CAPZB: variants seen among roughly 807,000 people sequenced by gnomAD.
The protein encoded by CAPZB is capping actin protein of muscle Z-line subunit beta.
In CAPZB, 2 loss-of-function variants were observed where a neutral mutation model predicts 38.1. The observed-to-expected ratio is 0.05, with a 90% CI of 0.02 to 0.17. The LOEUF is 0.17. Among genes scored for constraint, CAPZB ranks in the 10% least tolerant of loss-of-function variants. The probability of loss-of-function intolerance (pLI) is 1.00; values close to 1 mark genes in which losing one functional copy is unlikely to be tolerated. For missense variants in CAPZB, 161 were observed against 334.2 expected (o/e 0.48, Z 4.04); for synonymous variants, 107 against 127.4 (o/e 0.84, Z 1.08).
At chr1:19,386,399 AT>A (rs1405551859) in intron 2 of CAPZB, among the ~76,000 whole-genome samples, 5 of 152,224 alleles carry the variant, frequency 3.3e-5, no homozygotes, top group Non-Finnish European at 5.9e-5. Context: ...ACTTTCAGAA[AT>A]GGATTCCTTC....
chr1:19,467,058 T>TTTTA (rs34677425), intron 1 of CAPZB, among the ~76,000 whole-genome samples: 42,178 of 150,702 alleles, frequency 0.28, 6,891 homozygotes, highest in Middle Eastern at 0.44. Flanking sequence ...CACACCCAGC[T>TTTTA]TTTATTTATT....
chr1:19,385,654 ACAGAGG>A, intron 2 of CAPZB, 28 bp from the exon 3 acceptor site: 1 of 1,614,136 alleles, frequency 6.2e-7, no homozygotes, highest in Non-Finnish European at 8.5e-7. Context: ...CAAGGTCGAA[ACAGAGG>A]TTAAAACAGC....
At chr1:19,345,589 G>T (rs2093956026) in intron 6 of CAPZB, among the ~76,000 whole-genome samples, 1 of 152,266 alleles carries the variant, frequency 6.6e-6, no homozygotes, top group Admixed American at 6.5e-5. Flanking sequence ...GACTCACTCG[G>T]TTTGTCTTCA....
chr1:19,423,144 A>G (rs543997816), intron 1 of CAPZB, among the ~76,000 whole-genome samples: 35 of 152,324 alleles, frequency 2.3e-4, no homozygotes, highest in Non-Finnish European at 4.9e-4. Flanking sequence ...ATTAATCCCA[A>G]TTAATCTTAA....
intron 1 of CAPZB, among the ~76,000 whole-genome samples, chr1:19,484,944 G>A (rs1033604307): frequency 2.0e-5 from 3 of 152,170 alleles, no homozygotes; most frequent in African/African-American, 7.2e-5. Context: ...CCGGGGTCCA[G>A]CCTGAGGCCA....
chr1:19,406,439 G>A (rs375205702), intron 2 of CAPZB, among the ~76,000 whole-genome samples: 5 of 152,150 alleles, frequency 3.3e-5, no homozygotes, highest in African/African-American at 9.7e-5. Flanking sequence ...AACGTGGGAA[G>A]GGGGAAGCTA....
At chr1:19,421,533 G>A (rs2094401085) in intron 1 of CAPZB, among the ~76,000 whole-genome samples, 1 of 152,218 alleles carries the variant, frequency 6.6e-6, no homozygotes, top group Non-Finnish European at 1.5e-5. Context: ...TTGTTTTGCT[G>A]AATGCCAGCA....
intron 1 of CAPZB, among the ~76,000 whole-genome samples, chr1:19,440,490 C>T (rs1194980862): frequency 1.3e-5 from 2 of 152,128 alleles, no homozygotes; most frequent in South Asian, 2.1e-4. Context: ...TTTTCCTCAC[C>T]GTGAAAAGGT....
chr1:19,402,373 GC>G (rs2094307735), intron 2 of CAPZB, among the ~76,000 whole-genome samples: 2 of 152,198 alleles, frequency 1.3e-5, no homozygotes, highest in Admixed American at 6.5e-5. Flanking sequence ...GCTTACAAGG[GC>G]ACATTTCTCA....
chr1:19,353,459 T>C (rs535888207), intron 6 of CAPZB, among the ~76,000 whole-genome samples: 3 of 151,544 alleles, frequency 2.0e-5, no homozygotes, highest in Admixed American at 1.3e-4. Context: ...CCCCCCAGCC[T>C]GCCCCTCTTC....
chr1:19,339,253 G>C lies in CAPZB; in HGVS notation c.*277C>G. ...TTTTATGCCTATAAATGGGGGGACAGGGAGGAAGACGGGGGGCCCGGGTGA... is the reference window on the plus strand; with the variant it reads ...TTTTATGCCTATAAATGGGGGGACACGGAGGAAGACGGGGGGCCCGGGTGA... On this transcript the variant is annotated 3_prime_UTR_variant, in exon 9 of 9. Coordinates refer to ENST00000264202, the MANE Select transcript of CAPZB (RefSeq NM_004930.5). 2.2e-6 allele frequency: 1 copy of C among 460,660 alleles called. No homozygotes were observed. Among genetic ancestry groups the C allele is most frequent in the Non-Finnish European group, 3.9e-6 (1 of 256,442 alleles). The allele number at this position is 460,660 out of a possible 1,614,324, so 28.5% of individuals were successfully genotyped here.
chr1:19,392,106 C>G (rs1000077111), intron 2 of CAPZB, among the ~76,000 whole-genome samples: 2 of 151,502 alleles, frequency 1.3e-5, no homozygotes, highest in Non-Finnish European at 2.9e-5. Context: ...TCACTTGAAT[C>G]TGGGAGATAG....
chr1:19,342,669 G>A, intron 8 of CAPZB: 1 of 840,102 alleles, frequency 1.2e-6, no homozygotes, highest in Non-Finnish European at 2.0e-6. Flanking sequence ...TGGCCGCGGA[G>A]CAGCAGCCGG....
chr1:19,348,406 C>T (rs1405404248), intron 6 of CAPZB, among the ~76,000 whole-genome samples: 2 of 152,118 alleles, frequency 1.3e-5, no homozygotes, highest in Non-Finnish European at 2.9e-5. Flanking sequence ...TTTTAAAAGC[C>T]TTGAATGAGT....
intron 1 of CAPZB, among the ~76,000 whole-genome samples, chr1:19,459,427 A>G (rs1196294702): frequency 6.6e-6 from 1 of 152,232 alleles, no homozygotes; most frequent in Non-Finnish European, 1.5e-5. Context: ...GACAATTCGG[A>G]GATTAAAATA....
At chr1:19,459,462 C>T (rs1570330505) in intron 1 of CAPZB, among the ~76,000 whole-genome samples, 1 of 152,106 alleles carries the variant, frequency 6.6e-6, no homozygotes, top group African/African-American at 2.4e-5. Flanking sequence ...AAATAGGAGA[C>T]CTGCTTTGAT....
At chr1:19,428,284 T>A (rs1401869128) in intron 1 of CAPZB, among the ~76,000 whole-genome samples, 1 of 152,060 alleles carries the variant, frequency 6.6e-6, no homozygotes, top group Non-Finnish European at 1.5e-5. Context: ...ATGCCTGTAA[T>A]CCCAGCTACA....
At chr1:19,343,460 C>T (rs1410661315) in intron 8 of CAPZB, among the ~76,000 whole-genome samples, 3 of 152,236 alleles carry the variant, frequency 2.0e-5, no homozygotes, top group African/African-American at 4.8e-5. Context: ...ATAGCACAGC[C>T]CGACTCACAC....
intron 1 of CAPZB, chr1:19,484,452 C>G: frequency 1.3e-6 from 2 of 1,482,142 alleles, no homozygotes; most frequent in South Asian, 2.5e-5. Context: ...GCTTCGCACG[C>G]ACAGCACCCA....
Sources: allele counts gnomAD v4.1 joint callset (sites outside exome capture counted in the v4.1 genomes callset), GRCh38; gene constraint gnomAD v4.1.1; transcripts MANE v1.5; gene names NCBI Gene and HGNC (gene_info 2026-07-23, HGNC 2026-07-21).